NUB1: variants seen among roughly 807,000 people sequenced by gnomAD.
NUB1 encodes the protein NEDD8 ultimate buster 1.
A neutral mutation model predicts 77.1 loss-of-function variants in NUB1; 41 were observed. The observed-to-expected ratio is 0.53, with a 90% CI of 0.41 to 0.69. The LOEUF (loss-of-function observed/expected upper bound fraction) is 0.69. Among genes scored for constraint, NUB1 ranks in the 30% least tolerant of loss-of-function variants. The pLI, the probability that NUB1 is intolerant of heterozygous loss-of-function variation, is 0.00. For synonymous variants in NUB1, 257 were observed against 281.0 expected (o/e 0.91, Z 0.85); for missense variants, 643 against 743.8 (o/e 0.86, Z 1.58).
At chr7:151,360,064 A>C in intron 7 of NUB1, 77 bp from the exon 8 acceptor site, 6 of 643,396 alleles carry the variant, frequency 9.3e-6, no homozygotes, top group Non-Finnish European at 1.6e-5. Flanking sequence ...TTGTTTTTTA[A>C]AAAGTAATAT....
At chr7:151,350,855 C>T (rs1023665098) in intron 3 of NUB1, among the ~76,000 whole-genome samples, 4 of 152,144 alleles carry the variant, frequency 2.6e-5, no homozygotes, top group African/African-American at 9.7e-5. Context: ...GTCCAAATGT[C>T]CATCAACAGA....
intron 13 of NUB1, 76 bp from the exon 14 acceptor site, chr7:151,376,558 G>A (rs1798268092): frequency 7.2e-7 from 1 of 1,380,028 alleles, no homozygotes; most frequent in Middle Eastern, 2.3e-4. Context: ...AGAGTCGGCT[G>A]TCCACTCGTA....
At chr7:151,370,870 A>C (rs1435215186) in intron 11 of NUB1, among the ~76,000 whole-genome samples, 1 of 152,148 alleles carries the variant, frequency 6.6e-6, no homozygotes, top group African/African-American at 2.4e-5. Flanking sequence ...TAGTGTTTTA[A>C]AATGAGATCA....
At chr7:151,376,202 T>G in intron 13 of NUB1, 2 of 491,602 alleles carry the variant, frequency 4.1e-6, no homozygotes, top group Middle Eastern at 5.8e-4. Context: ...GCACCACTGT[T>G]TGCATCAGCC....
chr7:151,377,911 G>C lies in NUB1; in HGVS notation c.*686G>C, dbSNP rs1798378009. ...TATATATTCAGCATTCCTCATTACA[G>C]AAATCTTCTATTGAATGGGAAAGGT... On this transcript the variant is annotated 3_prime_UTR_variant, in exon 15 of 15. Coordinates refer to ENST00000568733, the MANE Select transcript of NUB1 (RefSeq NM_001243351.2). 6.6e-6 allele frequency: 1 copy of C among 152,206 alleles called. No individual in the cohort carries two copies. Among genetic ancestry groups the C allele is most frequent in the East Asian group, 1.9e-4 (1 of 5,206 alleles). The allele number at this position is 152,206 out of a possible 1,614,324, so 9.4% of individuals were successfully genotyped here.
Position 151,342,970 on chromosome 7 carries a change from G to A in NUB1, c.-3+1124G>A, listed in dbSNP as rs555654299. ...ATTACAGGTGTGAGCCACCGCGCCC[G>A]GCCTTGGATGGCATCTCTGAGTACC... On this transcript the variant is annotated intron_variant, in intron 1 of 14. Coordinates refer to ENST00000568733, the MANE Select transcript of NUB1 (RefSeq NM_001243351.2). 9.9e-5 allele frequency among the ~76,000 whole-genome samples: 15 copies of A among 152,204 alleles called. No individual in the cohort carries two copies. The South Asian group carries it at 2.9e-3, about 29-fold the overall frequency.
chr7:151,349,379 T>C, intron 3 of NUB1, 139 bp downstream of exon 3: 2 of 751,044 alleles, frequency 2.7e-6, no homozygotes, highest in Non-Finnish European at 4.3e-6. Flanking sequence ...ATTTATCAGC[T>C]TGAAAGTCAA....
Position 151,350,764 on chromosome 7 carries a change from C to T in NUB1, c.286-660C>T, listed in dbSNP as rs536118454. On this transcript the variant is annotated intron_variant, in intron 3 of 14. Coordinates refer to ENST00000568733, the MANE Select transcript of NUB1 (RefSeq NM_001243351.2). ...TTGCCTTGGCACCTGGGTGGCTTGCCGCCCACATATATATTAATATGTAAA... is the reference window on the plus strand; with the variant it reads ...TTGCCTTGGCACCTGGGTGGCTTGCTGCCCACATATATATTAATATGTAAA... Among the ~76,000 whole-genome samples the T allele has an allele frequency of 1.1e-4, 16 of 152,168 alleles. No individual in the cohort carries two copies. The East Asian group carries it at 1.5e-3, about 15-fold the overall frequency.
intron 8 of NUB1, among the ~76,000 whole-genome samples, chr7:151,366,531 GAAA>G (rs1797692528): frequency 6.6e-6 from 1 of 152,078 alleles, no homozygotes; most frequent in Non-Finnish European, 1.5e-5. Context: ...AAGAAAGAAA[GAAA>G]GAAAGAAAGA....
Position 151,341,864 on chromosome 7 carries a change from G to T in NUB1, c.-3+18G>T, listed in dbSNP as rs752011644. On this transcript the variant is annotated intron_variant, in intron 1 of 14. Transcript: ENST00000568733. Reference sequence around the variant, plus strand: ...TGGCGCAGGTGAGGACACGGCGGCCGAGTGTCCTCGACCCCAGCCTCAGCA... The same window carrying T: ...TGGCGCAGGTGAGGACACGGCGGCCTAGTGTCCTCGACCCCAGCCTCAGCA... 10 of 1,495,828 alleles carry T rather than the reference G, an allele frequency of 6.7e-6. No homozygotes were observed. The East Asian group carries it at 1.7e-4, about 25-fold the overall frequency. The allele number at this position is 1,495,828 out of a possible 1,614,324, so 92.7% of individuals were successfully genotyped here.
At chr7:151,351,652 AG>A (rs1796800684) in intron 4 of NUB1, among the ~76,000 whole-genome samples, 170 bp downstream of exon 4, 1 of 152,174 alleles carries the variant, frequency 6.6e-6, no homozygotes, top group African/African-American at 2.4e-5. Flanking sequence ...TGTCACTGGT[AG>A]GTAAGTGGCA....
chr7:151,350,645 A>G (rs1367131818), intron 3 of NUB1, among the ~76,000 whole-genome samples: 1 of 152,256 alleles, frequency 6.6e-6, no homozygotes, highest in Non-Finnish European at 1.5e-5. Context: ...AATGATATTC[A>G]TATATAATCA....
In NUB1 at chr7:151,377,030, G is replaced by T; in HGVS notation, c.1670-17G>T. On this transcript the variant is annotated splice_polypyrimidine_tract_variant and intron_variant, in intron 14 of 14. Transcript: ENST00000568733. ...ATCCTCACATAATTCACTTACTCCTGCGGTATTTTATTGTAGGAACCTCTA... is the reference window on the plus strand; with the variant it reads ...ATCCTCACATAATTCACTTACTCCTTCGGTATTTTATTGTAGGAACCTCTA... 1.3e-6 allele frequency: 2 copies of T among 1,526,104 alleles called. No homozygotes were observed. The highest frequency in any genetic ancestry group is 1.8e-6 in the Non-Finnish European group (2 of 1,136,062). The allele number at this position is 1,526,104 out of a possible 1,614,324, so 94.5% of individuals were successfully genotyped here. A position where few individuals can be genotyped will look rare whatever the true frequency, so the allele number is the denominator to read the frequency against.
intron 1 of NUB1, among the ~76,000 whole-genome samples, chr7:151,343,680 C>T (rs1024171267): frequency 3.3e-5 from 5 of 152,236 alleles, no homozygotes; most frequent in East Asian, 1.9e-4. Flanking sequence ...ACAGCTCCAT[C>T]GCGGTACATA....
chr7:151,358,069 G>A (rs1419320173), intron 7 of NUB1, among the ~76,000 whole-genome samples: 2 of 151,258 alleles, frequency 1.3e-5, no homozygotes, highest in Admixed American at 6.6e-5. Flanking sequence ...TCCGCCTCCC[G>A]GGTTCCAGCG....
At chr7:151,366,827 GA>G in intron 8 of NUB1, 111 bp from the exon 9 acceptor site, 1 of 808,334 alleles carries the variant, frequency 1.2e-6, no homozygotes, top group Middle Eastern at 3.7e-4. Flanking sequence ...GTCAGCCTTT[GA>G]ATATATACCA....
intron 8 of NUB1, among the ~76,000 whole-genome samples, chr7:151,364,364 T>C (rs1797538549): frequency 6.8e-6 from 1 of 147,388 alleles, no homozygotes; most frequent in Non-Finnish European, 1.5e-5. Flanking sequence ...AAGCTTGCAG[T>C]GAGCCGAGAT....
intron 2 of NUB1, among the ~76,000 whole-genome samples, chr7:151,348,843 G>C (rs1796643721): frequency 6.6e-6 from 1 of 151,910 alleles, no homozygotes; most frequent in Non-Finnish European, 1.5e-5. Context: ...CCAAAGTGCT[G>C]GGATTACAGG....
Position 151,375,871 on chromosome 7 carries a change from G to A in NUB1, c.1419G>A (p.Met473Ile), listed in dbSNP as rs915974904. 1.9e-6 allele frequency: 3 copies of A among 1,612,374 alleles called. No homozygotes were observed. Among genetic ancestry groups the A allele is most frequent in the South Asian group, 1.1e-5 (1 of 91,062 alleles). Reference sequence around the variant, plus strand: ...AGATTCTGCTCAGCAATCCTCAGATGTGGTGGTTAAATGATTCCAATCCTG... The same window carrying A: ...AGATTCTGCTCAGCAATCCTCAGATATGGTGGTTAAATGATTCCAATCCTG... The part of the protein sequence containing the change: ...ALKILLSNPQ[M>I]WWLNDSNPET... Residue 473 changes from methionine to isoleucine, a missense_variant, in exon 13 of 15, where the codon ATG (methionine) becomes ATA (isoleucine). Met to Ile is a conservative substitution (Grantham distance 10). Transcript: ENST00000568733.
Sources: gnomAD v4.1 joint callset for allele counts (sites outside exome capture counted in the v4.1 genomes callset) on GRCh38, gnomAD v4.1.1 for gene constraint, MANE v1.5 for transcripts, NCBI Gene and HGNC (gene_info 2026-07-23, HGNC 2026-07-21) for gene names.